The following HINFP variants were observed in gnomAD, a reference collection of about 807,000 sequenced individuals.
The protein encoded by HINFP is MBD2 (methyl-CpG-binding protein)-interacting zinc finger protein.
HINFP carries 20 observed loss-of-function variants against 50.1 expected under a neutral mutation model. The ratio of observed to expected loss-of-function variants is 0.40; its 90% confidence interval spans 0.28 to 0.58. The LOEUF (loss-of-function observed/expected upper bound fraction) is 0.58. HINFP is among the 20% of genes least tolerant of loss of function. HINFP has a pLI of 0.45. For synonymous variants in HINFP, 247 were observed against 243.7 expected, an observed-to-expected ratio of 1.01 and a Z score of -0.13; for missense variants, 505 against 664.1, an observed-to-expected ratio of 0.76 and a Z score of 2.63.
At chr11:119,123,128 C>CAAAAAAAAAAAAAAAAAAAAAA in intron 1 of HINFP, among the ~76,000 whole-genome samples, 1 of 76,816 alleles carries the variant, frequency 1.3e-5, no homozygotes, top group African/African-American at 5.3e-5. Context: ...ACTCCATCTC[C>CAAAAAAAAAAAAAAAAAAAAAA]AAAAAAAAAA....
chr11:119,132,200 A>G, intron 5 of HINFP: 1 of 623,852 alleles, frequency 1.6e-6, no homozygotes, highest in South Asian at 2.0e-5. Flanking sequence ...GGGAATCCTC[A>G]CAACAGCCCC....
rs542528957 is a variant in HINFP, at chr11:119,133,087, C to T, written c.1015-8C>T. 8.7e-6 allele frequency: 14 copies of T among 1,614,220 alleles called. No individual in the cohort carries two copies. Among genetic ancestry groups the T allele is most frequent in the South Asian group, 1.1e-5 (1 of 91,088 alleles). The stretch of plus-strand genomic sequence containing the variant: ...GCTGGTCTCATTTCTCCCTTCCTTC[C>T]CCATCAGGGAGACTCTGAGCCAAGG... On this transcript the variant is annotated splice_polypyrimidine_tract_variant and splice_region_variant and intron_variant, in intron 8 of 9. Transcript: ENST00000350777.
At position 119,131,748 on chromosome 11, in the gene HINFP, C is replaced by T; in HGVS notation, c.524-82C>T. ...GGTCCTACAGGGGCAAGGTTGACTG[C>T]CGGCTGGAGAGACTCAGGGGTACCA... On this transcript the variant is annotated intron_variant, in intron 4 of 9. Coordinates refer to ENST00000350777, the MANE Select transcript of HINFP (RefSeq NM_198971.3). This position sits in a 1 kb window ranked among gnomAD's most constrained non-coding sequence, Gnocchi z 4.2. The T allele has an allele frequency of 6.2e-7, 1 of 1,601,134 alleles. No individual in the cohort carries two copies. Among genetic ancestry groups the T allele is most frequent in the Non-Finnish European group, 8.5e-7 (1 of 1,169,726 alleles).
intron 1 of HINFP, chr11:119,124,521 G>A (rs550488072): frequency 6.6e-5 from 10 of 152,192 alleles, no homozygotes; most frequent in African/African-American, 1.4e-4. Flanking sequence ...TCTGTGTTTC[G>A]TTTATTCTTT....
At position 119,131,508 on chromosome 11, in the gene HINFP, C is replaced by A; in HGVS notation, c.412-27C>A. 1 of 1,519,562 alleles carries A rather than the reference C, an allele frequency of 6.6e-7. No homozygotes were observed. Among genetic ancestry groups the A allele is most frequent in the Non-Finnish European group, 9.1e-7 (1 of 1,093,684 alleles). 94.1% of individuals were successfully genotyped at this position (1,519,562 alleles called of 1,614,324 possible). A position where few individuals can be genotyped will look rare whatever the true frequency, so the allele number is the denominator to read the frequency against. On this transcript the variant is annotated intron_variant, in intron 3 of 9. Coordinates refer to ENST00000350777, the MANE Select transcript of HINFP (RefSeq NM_198971.3). This position sits in a 1 kb window ranked among gnomAD's most constrained non-coding sequence, Gnocchi z 4.2. Reference sequence around the variant, plus strand: ...GTGAGTCCCTCTACCCACCCTCAGTCCTCACCCCAAGTTGCCCCTGGCACA... The same window carrying A: ...GTGAGTCCCTCTACCCACCCTCAGTACTCACCCCAAGTTGCCCCTGGCACA...
Position 119,134,591 on chromosome 11 carries a change from G to T in HINFP, c.*93G>T. On this transcript the variant is annotated 3_prime_UTR_variant, in exon 10 of 10. Coordinates refer to ENST00000350777, the MANE Select transcript of HINFP (RefSeq NM_198971.3). This position sits in a 1 kb window ranked among gnomAD's most constrained non-coding sequence, Gnocchi z 4.3. ...TAGTGGGCAGCCGTTGCCAATGGAT[G>T]CCTTTAGGAGTGGTGCCGAGAGCAG... The T allele has an allele frequency of 1.0e-6, 1 of 975,370 alleles. No homozygotes were observed. 60.4% of individuals were successfully genotyped at this position (975,370 alleles called of 1,614,324 possible).
chr11:119,128,931 T>G (rs1030426859), intron 2 of HINFP, among the ~76,000 whole-genome samples: 1 of 151,890 alleles, frequency 6.6e-6, no homozygotes, highest in Non-Finnish European at 1.5e-5. Context: ...TAGGCACTAT[T>G]ATTATACCCA....
rs1947948798 is a variant in HINFP at position 119,134,320 on chromosome 11, AC to A, written c.1380del (p.Ser461ValfsTer7). The A allele has an allele frequency of 1.2e-6, 2 of 1,613,964 alleles. No homozygotes were observed. The highest frequency in any genetic ancestry group is 2.2e-5 in the East Asian group (1 of 44,892). ...ACAGCCCTCTCAGCCTCTCAGGACA[AC>A]CCCAGTTCTGTCATCCACGTGGTGA... ...EGTALSASQD[N>X]PSSVIHVVNQ... On this transcript the variant is annotated frameshift_variant, in exon 10 of 10. Transcript: ENST00000350777. LOFTEE classifies it high-confidence loss of function. The surrounding 1 kb of genome is among the most constrained non-coding windows in gnomAD (Gnocchi z 4.3).
intron 1 of HINFP, chr11:119,124,037 C>G (rs1447783580): frequency 6.6e-6 from 1 of 152,128 alleles, no homozygotes; most frequent in Non-Finnish European, 1.5e-5. Flanking sequence ...CCAGGCTGGT[C>G]ACAAACTCCT....
At chr11:119,124,157 G>A (rs1379616917) in intron 1 of HINFP, 2 of 152,178 alleles carry the variant, frequency 1.3e-5, no homozygotes, top group Non-Finnish European at 2.9e-5. Context: ...TAGTCTGTGA[G>A]CAGCTCAGCA....
chr11:119,123,706 G>GATTTTTTTTTTTTT (rs1391582883), intron 1 of HINFP: 3 of 74,162 alleles, frequency 4.0e-5, no homozygotes, highest in Non-Finnish European at 5.1e-5. Context: ...CACATCGGCT[G>GATTTTTTTTTTTTT]TTTTTTTTTT....
At chr11:119,124,543 A>C (rs1947279262) in intron 1 of HINFP, 1 of 152,124 alleles carries the variant, frequency 6.6e-6, no homozygotes, top group Non-Finnish European at 1.5e-5. Context: ...ATTGTTACTC[A>C]AAGTATGCTT....
chr11:119,134,216 G>T lies in HINFP; in HGVS notation c.1272G>T (p.Leu424=), dbSNP rs145155750. ...GLGTSLNESS[L]QGIILETVPG... ...GAACGTCGCTGAACGAGAGCAGCCT[G>T]CAGGGCATTATTCTAGAAACAGTGC... Residue 424 remains leucine, a synonymous_variant, in exon 10 of 10, where the codon CTG becomes CTT. Coordinates refer to ENST00000350777, the MANE Select transcript of HINFP (RefSeq NM_198971.3). The surrounding 1 kb of genome is among the most constrained non-coding windows in gnomAD (Gnocchi z 4.3). 216 of 1,614,224 alleles carry T rather than the reference G, an allele frequency of 1.3e-4. No individual in the cohort carries two copies. The highest frequency in any genetic ancestry group is 6.9e-5 in the Non-Finnish European group (82 of 1,180,042).
intron 2 of HINFP, among the ~76,000 whole-genome samples, chr11:119,128,077 C>G (rs1947518435): frequency 6.6e-6 from 1 of 152,084 alleles, no homozygotes; most frequent in Admixed American, 6.6e-5. Flanking sequence ...TGGTCTCAAT[C>G]TCTTGATCTC....
intron 9 of HINFP, 80 bp downstream of exon 9, chr11:119,133,299 G>T (rs672189): frequency 0.41 from 636,681 of 1,560,736 alleles, 134,902 homozygotes; most frequent in East Asian, 0.73. Context: ...CCTTAATTTG[G>T]GTCGGGCGCG....
chr11:119,130,792 C>T lies in HINFP; in HGVS notation c.249C>T (p.Ile83=), dbSNP rs1328619313. ...CTCTGGACAGTTCTGCTGACCTCAT[C>T]CGCCATGTCTACTTCCACTGCTACC... is the stretch of plus-strand genomic sequence containing the variant. ...FCSLDSSADL[I]RHVYFHCYHT... is the part of the protein sequence containing the mutation. Residue 83 remains isoleucine, a synonymous_variant, in exon 3 of 10, where the codon ATC becomes ATT. Coordinates refer to ENST00000350777, the MANE Select transcript of HINFP (RefSeq NM_198971.3). 2.5e-6 allele frequency: 4 copies of T among 1,614,210 alleles called. No individual in the cohort carries two copies. Among genetic ancestry groups the T allele is most frequent in the East Asian group, 2.2e-5 (1 of 44,876 alleles).
intron 5 of HINFP, 75 bp from the exon 6 acceptor site, chr11:119,132,421 G>T: frequency 6.7e-7 from 1 of 1,484,072 alleles, no homozygotes; most frequent in Non-Finnish European, 9.4e-7. Context: ...TTCTGCCTGG[G>T]ATGGTTCCCC....
chr11:119,126,788 T>A, intron 1 of HINFP, 147 bp from the exon 2 acceptor site: 1 of 636,438 alleles, frequency 1.6e-6, no homozygotes, highest in Admixed American at 3.2e-5. Flanking sequence ...AAGGAATTAC[T>A]CCATCCTTAC....
intron 2 of HINFP, among the ~76,000 whole-genome samples, chr11:119,127,853 T>C (rs1257212251): frequency 3.3e-5 from 5 of 150,798 alleles, no homozygotes; most frequent in Non-Finnish European, 7.4e-5. Flanking sequence ...ACTCCCACCT[T>C]CCAATTTTTT....
Sources: allele counts gnomAD v4.1 joint callset (sites outside exome capture counted in the v4.1 genomes callset), GRCh38; gene constraint gnomAD v4.1.1; non-coding constraint Gnocchi (gnomAD v3.1); transcripts MANE v1.5; gene names NCBI Gene and HGNC (gene_info 2026-07-23, HGNC 2026-07-21).